SGK1: variants seen among roughly 807,000 people sequenced by gnomAD.
The protein encoded by SGK1 is serum/glucocorticoid regulated kinase 1.
A neutral mutation model predicts 64.2 loss-of-function variants in SGK1; 26 were observed. The ratio of observed to expected loss-of-function variants is 0.40; its 90% CI spans 0.30 to 0.56. The LOEUF is 0.56. SGK1 is among the 20% of genes least tolerant of loss of function. The pLI is 0.38. For missense variants in SGK1, 519 were observed against 645.6 expected, an observed-to-expected ratio of 0.80 and a Z score of 2.12; for synonymous variants, 265 against 239.7, an observed-to-expected ratio of 1.11 and a Z score of -0.98.
Position 134,211,877 on chromosome 6 carries a change from GAAAAAAA to G in SGK1, c.286-4453_286-4447del, listed in dbSNP as rs573091377. 1.5e-3 allele frequency among the ~76,000 whole-genome samples: 123 copies of G among 81,622 alleles called. 1 individual carries two copies. The East Asian group carries it at 0.045, about 30-fold the overall frequency. The allele number at this position is 81,622 out of a possible 152,430, so 53.5% of individuals were successfully genotyped here. ...GAGAGAGCGAGATTCCGTCTACAAG[GAAAAAAA>G]AAAAAAAAAAAAAAAATCCCTCCTA... On this transcript the variant is annotated intron_variant, in intron 2 of 13. Transcript: ENST00000367858.
At chr6:134,225,596 T>G (rs1776162896) in intron 2 of SGK1, among the ~76,000 whole-genome samples, 1 of 152,102 alleles carries the variant, frequency 6.6e-6, no homozygotes, top group African/African-American at 2.4e-5. Flanking sequence ...AATAATATTT[T>G]TAATGGAGTA....
chr6:134,212,068 G>C (rs1483340907), intron 2 of SGK1, among the ~76,000 whole-genome samples: 2 of 22,138 alleles, frequency 9.0e-5, no homozygotes, highest in Non-Finnish European at 2.3e-4. Flanking sequence ...TGTTTTTTTT[G>C]GGGGGGACGG....
At chr6:134,188,041 A>G (rs779864321) in intron 3 of SGK1, among the ~76,000 whole-genome samples, 2 of 152,018 alleles carry the variant, frequency 1.3e-5, no homozygotes, top group Non-Finnish European at 2.9e-5. Context: ...TCCATGCATA[A>G]CCTCCATCCT....
intron 1 of SGK1, among the ~76,000 whole-genome samples, chr6:134,306,030 C>T (rs142844178): frequency 6.6e-6 from 1 of 152,278 alleles, no homozygotes; most frequent in Admixed American, 6.5e-5. Flanking sequence ...TCCTTGTCCT[C>T]ATAGAGCTCA....
chr6:134,271,688 T>G (rs1316753760), intron 1 of SGK1, among the ~76,000 whole-genome samples: 2 of 147,846 alleles, frequency 1.4e-5, no homozygotes, highest in Non-Finnish European at 3.0e-5. Context: ...CGGGATTTGT[T>G]GTACAGATTA....
At chr6:134,240,174 C>G (rs1445456082) in intron 2 of SGK1, among the ~76,000 whole-genome samples, 5 of 151,854 alleles carry the variant, frequency 3.3e-5, no homozygotes, top group African/African-American at 1.2e-4. Flanking sequence ...CGCCTATAGT[C>G]CCAGCTACTG....
At chr6:134,273,592 C>CAAAAAAAAAAGAAAAAAAAAAA in intron 1 of SGK1, among the ~76,000 whole-genome samples, 1 of 16,208 alleles carries the variant, frequency 6.2e-5, no homozygotes, top group Non-Finnish European at 1.2e-4. Flanking sequence ...GACTCCGTCT[C>CAAAAAAAAAAGAAAAAAAAAAA]AAAAAAAAAA....
At position 134,256,706 on chromosome 6, in the gene SGK1, A is replaced by T. The variant is rs181412290; in HGVS notation, c.285+5227T>A. ...TTCCAGTAGCATGCATTATTTAGTA[A>T]CAGCTTACACAGCTCTAAGTTATCA... On this transcript the variant is annotated intron_variant, in intron 2 of 13. Transcript: ENST00000367858. Among the ~76,000 whole-genome samples, 18 of 152,264 alleles carry T rather than the reference A, an allele frequency of 1.2e-4. 1 individual carries two copies. In the East Asian group the frequency reaches 2.3e-3, roughly 20 times the overall value.
intron 2 of SGK1, among the ~76,000 whole-genome samples, chr6:134,223,094 C>A (rs1300002954): frequency 2.6e-5 from 4 of 152,028 alleles, no homozygotes; most frequent in Non-Finnish European, 4.4e-5. Flanking sequence ...AAGAGCCGGG[C>A]GCAGTGGCTC....
intron 2 of SGK1, among the ~76,000 whole-genome samples, chr6:134,238,243 A>G (rs1273724517): frequency 6.6e-6 from 1 of 152,232 alleles, no homozygotes; most frequent in Non-Finnish European, 1.5e-5. Flanking sequence ...TTTATGCATT[A>G]GAAAAGTGAC....
At position 134,171,324 on chromosome 6, in the gene SGK1, A is replaced by C. The variant is rs867978372; in HGVS notation, c.1168-146T>G. On this transcript the variant is annotated intron_variant, in intron 11 of 13. Coordinates refer to ENST00000367858, the MANE Select transcript of SGK1 (RefSeq NM_001143676.3). ...CCTCAATGCTTTCTTTTCCCTTGCTATTTAAGTGTCTACTTTGCAACCCGT... is the reference window on the plus strand; with the variant it reads ...CCTCAATGCTTTCTTTTCCCTTGCTCTTTAAGTGTCTACTTTGCAACCCGT... 4.2e-5 allele frequency: 33 copies of C among 789,936 alleles called. No individual in the cohort carries two copies. In the Middle Eastern group the frequency reaches 1.0e-3, roughly 25 times the overall value. 48.9% of individuals were successfully genotyped at this position (789,936 alleles called of 1,614,324 possible).
At chr6:134,177,812 T>G in intron 3 of SGK1, 1 of 1,612,820 alleles carries the variant, frequency 6.2e-7, no homozygotes, top group Non-Finnish European at 8.5e-7. Context: ...GCTGGAACTC[T>G]GAGATGACAT....
chr6:134,231,841 A>G (rs976116183), intron 2 of SGK1, among the ~76,000 whole-genome samples: 34 of 152,090 alleles, frequency 2.2e-4, no homozygotes, highest in African/African-American at 7.7e-4. Context: ...GGAGTTGAAG[A>G]CCAGCCTGGC....
At chr6:134,195,803 G>A (rs1261405904) in intron 3 of SGK1, among the ~76,000 whole-genome samples, 6 of 152,080 alleles carry the variant, frequency 3.9e-5, no homozygotes, top group Non-Finnish European at 8.8e-5. Context: ...TTTGTGTCTG[G>A]GGCTCCAGAT....
intron 3 of SGK1, among the ~76,000 whole-genome samples, chr6:134,182,834 T>C (rs1775352128): frequency 6.6e-6 from 1 of 152,206 alleles, no homozygotes. Flanking sequence ...ATGTGCTGTA[T>C]CAAGAAACGA....
intron 1 of SGK1, among the ~76,000 whole-genome samples, chr6:134,309,377 CCTT>C (rs1777579615): frequency 6.6e-6 from 1 of 152,204 alleles, no homozygotes; most frequent in East Asian, 1.9e-4. Context: ...TCCTGCACCT[CCTT>C]CACCTCCTCC....
intron 2 of SGK1, among the ~76,000 whole-genome samples, chr6:134,256,708 A>G (rs76830406): frequency 0.011 from 1,631 of 152,332 alleles, 41 homozygotes; most frequent in African/African-American, 0.037. Context: ...ATTTAGTAAC[A>G]GCTTACACAG....
intron 2 of SGK1, among the ~76,000 whole-genome samples, chr6:134,240,428 GAA>G (rs1452286699): frequency 6.6e-6 from 1 of 152,086 alleles, no homozygotes; most frequent in African/African-American, 2.4e-5. Flanking sequence ...GATGTATAGT[GAA>G]AGAGTCTAAA....
intron 1 of SGK1, among the ~76,000 whole-genome samples, chr6:134,294,528 T>C (rs1288229063): frequency 6.6e-6 from 1 of 152,166 alleles, no homozygotes; most frequent in Non-Finnish European, 1.5e-5. Flanking sequence ...TACTTATAAA[T>C]TTGTGTTTAT....
Sources: gnomAD v4.1 joint callset for allele counts (sites outside exome capture counted in the v4.1 genomes callset) on GRCh38, gnomAD v4.1.1 for gene constraint, MANE v1.5 for transcripts, NCBI Gene and HGNC (gene_info 2026-07-23, HGNC 2026-07-21) for gene names.